Variants in NCKAP5L observed in about 807,000 individuals in gnomAD.
NCKAP5L encodes NCK associated protein 5 like.
A neutral mutation model predicts 103.2 loss-of-function variants in NCKAP5L; 54 were observed. That is an observed-to-expected ratio of 0.52 (90% CI 0.42 to 0.66). The LOEUF (loss-of-function observed/expected upper bound fraction) is 0.66, where lower values mean the gene tolerates loss of function less well. Ranked by LOEUF, NCKAP5L falls within the 30% of genes least tolerant of loss-of-function variation. The pLI, the probability that NCKAP5L is intolerant of heterozygous loss-of-function variation, is 0.00. For synonymous variants in NCKAP5L, 762 were observed against 748.6 expected (o/e 1.02, Z -0.29); for missense variants, 1,733 against 1,750.6 (o/e 0.99, Z 0.18).
intron 2 of NCKAP5L, chr12:49,804,392 A>G (rs1326818013): frequency 1.1e-5 from 2 of 177,876 alleles, no homozygotes; most frequent in Middle Eastern, 2.3e-3. Flanking sequence ...AATAACACCA[A>G]TATCCCCTAA....
intron 5 of NCKAP5L, chr12:49,802,659 T>G (rs1278846519): frequency 1.8e-5 from 8 of 451,814 alleles, no homozygotes; most frequent in Non-Finnish European, 2.8e-5. Flanking sequence ...TGAGTAAATA[T>G]TCAGATGCCA....
intron 1 of NCKAP5L, among the ~76,000 whole-genome samples, chr12:49,820,228 G>A (rs1415104461): frequency 6.6e-6 from 1 of 152,028 alleles, no homozygotes; most frequent in Non-Finnish European, 1.5e-5. Context: ...AATAGGGCCT[G>A]GGAGGCTGCA....
chr12:49,792,994 G>T lies in NCKAP5L; in HGVS notation c.3341-8C>A. The T allele has an allele frequency of 6.6e-7, 1 of 1,520,532 alleles. No individual in the cohort carries two copies. Among genetic ancestry groups the T allele is most frequent in the Non-Finnish European group, 8.8e-7 (1 of 1,141,278 alleles). 94.2% of individuals were successfully genotyped at this position (1,520,532 alleles called of 1,614,324 possible). On this transcript the variant is annotated splice_region_variant and splice_polypyrimidine_tract_variant and intron_variant, in intron 10 of 12. Coordinates refer to ENST00000335999, the MANE Select transcript of NCKAP5L (RefSeq NM_001037806.4). This position sits in a 1 kb window ranked among gnomAD's most constrained non-coding sequence, Gnocchi z 4.5. ...GAGTCAAGGAGCCACAGGCTGGGGA[G>T]GGGAGGGGAGGGCCCGTTAAGAGTG... is the stretch of plus-strand genomic sequence containing the variant.
At position 49,795,464 on chromosome 12, in the gene NCKAP5L, G is replaced by A. The variant is rs1346080283; in HGVS notation, c.2396C>T (p.Thr799Ile). 1 of 1,554,482 alleles carries A rather than the reference G, an allele frequency of 6.4e-7. No individual in the cohort carries two copies. Among genetic ancestry groups the A allele is most frequent in the Non-Finnish European group, 8.6e-7 (1 of 1,156,594 alleles). ...QVPRTPAKVP[T>I]SAPSLGKPNK... is the part of the protein sequence containing the mutation. ...GGGCTTGCCCAGGCTTGGGGCTGAG[G>A]TTGGCACTTTGGCAGGGGTACGGGG... The change falls in exon 8 of 13, where the codon ACC becomes ATC. Residue 799 changes from threonine to isoleucine, a missense_variant. By Grantham distance (89) the Thr-to-Ile change is moderately conservative. Transcript: ENST00000335999.
intron 5 of NCKAP5L, 39 bp from the exon 6 acceptor site, chr12:49,802,006 G>A: frequency 6.2e-7 from 1 of 1,609,474 alleles, no homozygotes; most frequent in Non-Finnish European, 8.5e-7. Context: ...GAAGAGGTGA[G>A]GATGGTGGGA....
chr12:49,794,637 TC>T (rs1946001184), intron 8 of NCKAP5L, 127 bp downstream of exon 8: 1 of 633,618 alleles, frequency 1.6e-6, no homozygotes, highest in South Asian at 3.2e-5. Flanking sequence ...TGGCCTTCTA[TC>T]CCTTTTGACC....
At chr12:49,819,165 A>G (rs1034525497) in intron 1 of NCKAP5L, among the ~76,000 whole-genome samples, 1 of 151,928 alleles carries the variant, frequency 6.6e-6, no homozygotes, top group African/African-American at 2.4e-5. Context: ...ACAAAAAATT[A>G]GCCGGGCGTG....
At chr12:49,823,599 G>C (rs1489523997) in intron 1 of NCKAP5L, among the ~76,000 whole-genome samples, 1 of 151,958 alleles carries the variant, frequency 6.6e-6, no homozygotes, top group Admixed American at 6.6e-5. Context: ...GCAGGCAACA[G>C]CAGGAGCAGC....
chr12:49,825,094 T>C (rs1399455983), intron 1 of NCKAP5L, among the ~76,000 whole-genome samples: 1 of 152,184 alleles, frequency 6.6e-6, no homozygotes, highest in East Asian at 1.9e-4. Flanking sequence ...CATGAATCAC[T>C]TCCCCCTCTG....
intron 1 of NCKAP5L, among the ~76,000 whole-genome samples, chr12:49,816,663 T>C (rs947069437): frequency 6.6e-6 from 1 of 151,828 alleles, no homozygotes; most frequent in African/African-American, 2.4e-5. Context: ...CCAGGCATGG[T>C]GGCACGCGCC....
chr12:49,819,462 T>C (rs191125504), intron 1 of NCKAP5L, among the ~76,000 whole-genome samples: 21 of 152,288 alleles, frequency 1.4e-4, no homozygotes, highest in Non-Finnish European at 2.9e-4. Flanking sequence ...AAAGAAAAGA[T>C]GCTATATACA....
At chr12:49,821,151 G>A (rs1790266456) in intron 1 of NCKAP5L, among the ~76,000 whole-genome samples, 1 of 152,178 alleles carries the variant, frequency 6.6e-6, no homozygotes, top group African/African-American at 2.4e-5. Flanking sequence ...CAGTCAGGGA[G>A]GAGAAAGGAA....
Position 49,796,382 on chromosome 12 carries a change from G to T in NCKAP5L, c.1478C>A (p.Ser493Ter). ...CAACAGTGGGGAGGGGCTGCCGTCT[G>T]AGCCACTGTTCCGACAGGGGATTCG... ...NSRIPCRNSG[S>*]DGSPSPLLAR... Residue 493 changes from serine (S) to a stop codon, truncating the protein, a stop_gained, in exon 8 of 13, where the codon TCA (serine) becomes TAA (stop). Transcript: ENST00000335999. LOFTEE classifies it high-confidence loss of function. 6.3e-7 allele frequency: 1 copy of T among 1,580,562 alleles called. No individual in the cohort carries two copies. Among genetic ancestry groups the T allele is most frequent in the Non-Finnish European group, 8.6e-7 (1 of 1,163,240 alleles).
chr12:49,825,876 C>T (rs999342436), intron 1 of NCKAP5L, among the ~76,000 whole-genome samples: 4 of 152,130 alleles, frequency 2.6e-5, no homozygotes, highest in Non-Finnish European at 4.4e-5. Context: ...CCTGGGAGAC[C>T]GAGGATGAAA....
chr12:49,822,521 G>A (rs1221909768), intron 1 of NCKAP5L, among the ~76,000 whole-genome samples: 1 of 151,990 alleles, frequency 6.6e-6, no homozygotes, highest in African/African-American at 2.4e-5. Context: ...TGATTATGGG[G>A]GAGAACGCGA....
intron 1 of NCKAP5L, among the ~76,000 whole-genome samples, chr12:49,825,137 G>A (rs1452030406): frequency 6.6e-6 from 1 of 152,208 alleles, no homozygotes; most frequent in African/African-American, 2.4e-5. Flanking sequence ...ACATGAGGGC[G>A]TTGGACTAGA....
intron 1 of NCKAP5L, among the ~76,000 whole-genome samples, chr12:49,819,490 C>G (rs568959324): frequency 6.6e-6 from 1 of 152,288 alleles, no homozygotes; most frequent in East Asian, 1.9e-4. Flanking sequence ...GGACACTATT[C>G]AGTCCTAAAA....
intron 8 of NCKAP5L, 96 bp downstream of exon 8, chr12:49,794,669 A>T: frequency 1.0e-6 from 1 of 983,626 alleles, no homozygotes; most frequent in Non-Finnish European, 1.4e-6. Context: ...CCCAGCTCCC[A>T]GGAAAAGCAG....
rs781293005 is a variant in NCKAP5L, at chr12:49,797,101, G to C, written c.759C>G (p.Gly253=). Reference sequence around the variant, plus strand: ...CCAAGAGGCGCTCCCAGTGCAGCAGGCCTCCCAGGTTGCCAGGGCCTAGCA... The same window carrying C: ...CCAAGAGGCGCTCCCAGTGCAGCAGCCCTCCCAGGTTGCCAGGGCCTAGCA... ...CLLLGPGNLG[G]LLHWERLLGG... Residue 253 remains glycine (G), a synonymous_variant, in exon 8 of 13, where the codon GGC becomes GGG. Coordinates refer to ENST00000335999, the MANE Select transcript of NCKAP5L (RefSeq NM_001037806.4). This position sits in a 1 kb window ranked among gnomAD's most constrained non-coding sequence, Gnocchi z 4.5. 5.2e-5 allele frequency: 83 copies of C among 1,591,312 alleles called. No individual in the cohort carries two copies. The highest frequency in any genetic ancestry group is 6.8e-5 in the Non-Finnish European group (80 of 1,169,480).
Sources: allele counts gnomAD v4.1 joint callset (sites outside exome capture counted in the v4.1 genomes callset), GRCh38; gene constraint gnomAD v4.1.1; non-coding constraint Gnocchi (gnomAD v3.1); transcripts MANE v1.5; gene names NCBI Gene and HGNC (gene_info 2026-07-23, HGNC 2026-07-21).